The following KLHL26 variants were observed in gnomAD, a reference collection of about 807,000 sequenced individuals.
KLHL26 encodes kelch-like protein 26.
A neutral mutation model predicts 7.1 loss-of-function variants in KLHL26; 4 were observed. The ratio of observed to expected loss-of-function variants is 0.56; its 90% confidence interval spans 0.28 to 1.28. The LOEUF (loss-of-function observed/expected upper bound fraction) is 1.28, where lower values mean the gene tolerates loss of function less well. Among genes scored for constraint, KLHL26 ranks in the 50% most tolerant of loss-of-function variants. The pLI is 0.11. For missense variants in KLHL26, 896 were observed against 924.6 expected, an observed-to-expected ratio of 0.97 and a Z score of 0.40; for synonymous variants, 465 against 414.1, an observed-to-expected ratio of 1.12 and a Z score of -1.49.
rs768982607 is a variant in KLHL26, at chr19:18,669,494, C to G, written c.*249C>G. ...ACATGTGGTGGCAGCAAATTCGTCC[C>G]CGGGGTGGTTTCCTCGCCTGGCCCC... is the stretch of plus-strand genomic sequence containing the variant. On this transcript the variant is annotated 3_prime_UTR_variant, in exon 3 of 3. Transcript: ENST00000300976. 1 of 573,296 alleles carries G rather than the reference C, an allele frequency of 1.7e-6. No homozygotes were observed. The highest frequency in any genetic ancestry group is 3.1e-6 in the Non-Finnish European group (1 of 325,188). The allele number at this position is 573,296 out of a possible 1,614,324, so 35.5% of individuals were successfully genotyped here. A position where few individuals can be genotyped will look rare whatever the true frequency, so the allele number is the denominator to read the frequency against.
At chr19:18,647,059 A>G (rs958432051) in intron 1 of KLHL26, among the ~76,000 whole-genome samples, 3 of 152,218 alleles carry the variant, frequency 2.0e-5, no homozygotes, top group Non-Finnish European at 4.4e-5. Flanking sequence ...AGCCACATCC[A>G]GGCCACTCGA....
intron 1 of KLHL26, among the ~76,000 whole-genome samples, chr19:18,639,174 C>G (rs1976668524): frequency 6.6e-6 from 1 of 151,792 alleles, no homozygotes; most frequent in Non-Finnish European, 1.5e-5. Flanking sequence ...CTTCCAGGTT[C>G]AAGGGATTTT....
At chr19:18,639,261 A>G (rs1234578042) in intron 1 of KLHL26, among the ~76,000 whole-genome samples, 1 of 151,626 alleles carries the variant, frequency 6.6e-6, no homozygotes, top group Non-Finnish European at 1.5e-5. Context: ...TTTTTTAAGT[A>G]GAGACAGGGT....
chr19:18,655,938 C>T (rs1249757749), intron 1 of KLHL26, among the ~76,000 whole-genome samples: 2 of 152,158 alleles, frequency 1.3e-5, no homozygotes, highest in Non-Finnish European at 2.9e-5. Flanking sequence ...ACATCACAGC[C>T]CGGCCTTGAG....
Position 18,668,274 on chromosome 19 carries a change from C to A in KLHL26, c.877C>A (p.Arg293=), listed in dbSNP as rs1324290150. 4 of 1,611,724 alleles carry A rather than the reference C, an allele frequency of 2.5e-6. No individual in the cohort carries two copies. Among genetic ancestry groups the A allele is most frequent in the Middle Eastern group, 1.7e-4 (1 of 5,928 alleles). Residue 293 remains arginine, a synonymous_variant, in exon 3 of 3, where the codon CGG becomes AGG. Coordinates refer to ENST00000300976, the MANE Select transcript of KLHL26 (RefSeq NM_018316.3). Reference sequence around the variant, plus strand: ...CTTCAACTACCAGGTGCTGCCCTTCCGGCAGCACGAGATGCAGTCTCCGCG... The same window carrying A: ...CTTCAACTACCAGGTGCTGCCCTTCAGGCAGCACGAGATGCAGTCTCCGCG... ...EAFNYQVLPF[R]QHEMQSPRTA...
intron 1 of KLHL26, among the ~76,000 whole-genome samples, chr19:18,641,624 T>C (rs1180421173): frequency 1.8e-5 from 2 of 108,572 alleles, no homozygotes; most frequent in Non-Finnish European, 3.5e-5. Flanking sequence ...CGGCTCTTTT[T>C]CTTTTTTCTT....
At chr19:18,645,155 C>G (rs1398129819) in intron 1 of KLHL26, among the ~76,000 whole-genome samples, 1 of 152,136 alleles carries the variant, frequency 6.6e-6, no homozygotes, top group Non-Finnish European at 1.5e-5. Context: ...GGGGTCCTTG[C>G]TGCAAGCACA....
chr19:18,663,481 G>A (rs1018145241), intron 1 of KLHL26, among the ~76,000 whole-genome samples: 1 of 152,122 alleles, frequency 6.6e-6, no homozygotes, highest in Non-Finnish European at 1.5e-5. Context: ...GTCTCCTCCC[G>A]CTTTCTTGGA....
At chr19:18,637,275 G>A in intron 1 of KLHL26, 138 bp downstream of exon 1, 1 of 952,798 alleles carries the variant, frequency 1.0e-6, no homozygotes, top group Non-Finnish European at 1.4e-6. Context: ...GGACTTTACG[G>A]GGCCGTGGGG....
At chr19:18,652,589 CAAAA>C (rs5827418) in intron 1 of KLHL26, among the ~76,000 whole-genome samples, 2 of 87,614 alleles carry the variant, frequency 2.3e-5, no homozygotes, top group Non-Finnish European at 2.3e-5. Context: ...GACTCCATCT[CAAAA>C]AAAAAAAAAA....
At chr19:18,665,469 G>A (rs2052438485) in intron 2 of KLHL26, among the ~76,000 whole-genome samples, 1 of 152,252 alleles carries the variant, frequency 6.6e-6, no homozygotes, top group Admixed American at 6.5e-5. Context: ...CATCCCCTCA[G>A]GACACCTGGA....
chr19:18,637,528 G>T (rs1277275959), intron 1 of KLHL26, among the ~76,000 whole-genome samples: 3 of 152,138 alleles, frequency 2.0e-5, no homozygotes, highest in Non-Finnish European at 2.9e-5. Context: ...TGTCTTGGGG[G>T]CTCTGAGGAA....
intron 1 of KLHL26, among the ~76,000 whole-genome samples, chr19:18,641,817 C>T (rs1391431929): frequency 4.0e-5 from 6 of 151,582 alleles, no homozygotes; most frequent in South Asian, 4.2e-4. Context: ...TTAGTAGAGA[C>T]GGGGTTTCTC....
At chr19:18,645,481 C>G (rs34071094) in intron 1 of KLHL26, among the ~76,000 whole-genome samples, 9,313 of 151,994 alleles carry the variant, frequency 0.061, 383 homozygotes, top group Non-Finnish European at 0.09. Flanking sequence ...GTGGGGGGAT[C>G]TGGGTGAGGG....
intron 1 of KLHL26, among the ~76,000 whole-genome samples, chr19:18,637,793 CCCTT>C (rs1285080514): frequency 6.6e-6 from 1 of 152,018 alleles, no homozygotes; most frequent in Admixed American, 6.5e-5. Context: ...TGGGGCTCCT[CCCTT>C]CCATCCCCAT....
In KLHL26 at chr19:18,669,259, C is replaced by T. The variant is rs1467607154; in HGVS notation, c.*14C>T. 5.6e-6 allele frequency: 9 copies of T among 1,597,220 alleles called. No individual in the cohort carries two copies. Among genetic ancestry groups the T allele is most frequent in the Non-Finnish European group, 6.8e-6 (8 of 1,173,220 alleles). On this transcript the variant is annotated 3_prime_UTR_variant, in exon 3 of 3. Coordinates refer to ENST00000300976, the MANE Select transcript of KLHL26 (RefSeq NM_018316.3). ...ACCAGGAGGTAGCCCCCAAGACCCC[C>T]GGGACCCTGGCCTGACCGCATGTTG...
intron 1 of KLHL26, among the ~76,000 whole-genome samples, chr19:18,641,689 C>T (rs750327479): frequency 7.0e-6 from 1 of 142,180 alleles, no homozygotes; most frequent in African/African-American, 2.6e-5. Flanking sequence ...AGTGCAGTGG[C>T]GTGATCTTGG....
At chr19:18,638,939 A>G (rs1976664919) in intron 1 of KLHL26, among the ~76,000 whole-genome samples, 2 of 152,070 alleles carry the variant, frequency 1.3e-5, no homozygotes, top group Non-Finnish European at 2.9e-5. Flanking sequence ...GGCTCAAGCA[A>G]TCTTCTTGCC....
At chr19:18,639,964 G>A (rs1976684641) in intron 1 of KLHL26, among the ~76,000 whole-genome samples, 1 of 151,840 alleles carries the variant, frequency 6.6e-6, no homozygotes. Flanking sequence ...TAATGTTTTT[G>A]AAGTTCATCT....
Sources: allele counts gnomAD v4.1 joint callset (sites outside exome capture counted in the v4.1 genomes callset), GRCh38; gene constraint gnomAD v4.1.1; transcripts MANE v1.5; gene names NCBI Gene and HGNC (gene_info 2026-07-23, HGNC 2026-07-21).